Variants in CACNG2 observed in about 807,000 individuals in gnomAD.
The protein encoded by CACNG2 is voltage-dependent calcium channel gamma-2 subunit.
CACNG2 carries 3 observed loss-of-function variants against 25.9 expected under a neutral mutation model. That is an observed-to-expected ratio of 0.12 (90% confidence interval 0.05 to 0.30). The LOEUF is 0.30. Ranked by LOEUF, CACNG2 falls within the 10% of genes least tolerant of loss-of-function variation. CACNG2 has a pLI of 1.00. For missense variants in CACNG2, 341 were observed against 432.5 expected, an observed-to-expected ratio of 0.79 and a Z score of 1.88; for synonymous variants, 167 against 173.3, an observed-to-expected ratio of 0.96 and a Z score of 0.29.
intron 1 of CACNG2, among the ~76,000 whole-genome samples, chr22:36,621,259 G>A (rs1198820554): frequency 6.6e-6 from 1 of 152,196 alleles, no homozygotes; most frequent in African/African-American, 2.4e-5. Context: ...TGTAATCCCA[G>A]CACTTTGGGA....
intron 2 of CACNG2, chr22:36,584,638 T>G (rs944511015): frequency 2.0e-5 from 3 of 152,228 alleles, no homozygotes; most frequent in Non-Finnish European, 4.4e-5. Flanking sequence ...CTCGAGTGAA[T>G]GAATGAATGA....
At position 36,620,334 on chromosome 22, in the gene CACNG2, T is replaced by C. The variant is rs564850267; in HGVS notation, c.212-32786A>G. Among the ~76,000 whole-genome samples, 6 of 152,336 alleles carry C rather than the reference T, an allele frequency of 3.9e-5. No homozygotes were observed. The East Asian group carries it at 5.8e-4, about 15-fold the overall frequency. On this transcript the variant is annotated intron_variant, in intron 1 of 3. Transcript: ENST00000300105. ...AGGCAGATGGTCCTCTGGGATGCAA[T>C]TGAACGACTTTCCACTAAGTGATAG...
At chr22:36,566,607 T>C (rs1405226237) in intron 2 of CACNG2, 114 bp from the exon 3 acceptor site, 1 of 1,136,530 alleles carries the variant, frequency 8.8e-7, no homozygotes, top group African/African-American at 1.5e-5. Flanking sequence ...GACACAGCCT[T>C]AGAGGAGAGG....
intron 1 of CACNG2, among the ~76,000 whole-genome samples, chr22:36,611,571 A>G (rs773125764): frequency 1.3e-5 from 2 of 152,150 alleles, no homozygotes; most frequent in African/African-American, 2.4e-5. Context: ...AGCTACATCA[A>G]TAGTCAAATA....
At chr22:36,618,282 G>A (rs1263442277) in intron 1 of CACNG2, among the ~76,000 whole-genome samples, 1 of 152,230 alleles carries the variant, frequency 6.6e-6, no homozygotes, top group Admixed American at 6.5e-5. Context: ...GCAGCCAAGT[G>A]TGCCTGCAGG....
chr22:36,590,590 A>T (rs1935575778), intron 1 of CACNG2, among the ~76,000 whole-genome samples: 1 of 152,104 alleles, frequency 6.6e-6, no homozygotes, highest in Non-Finnish European at 1.5e-5. Flanking sequence ...AGCACCGCCC[A>T]CTACCAGGCC....
chr22:36,693,772 C>G (rs1937296411), intron 1 of CACNG2, among the ~76,000 whole-genome samples: 1 of 152,194 alleles, frequency 6.6e-6, no homozygotes. Context: ...CTTTCCTTAG[C>G]TTGCTCACCC....
chr22:36,595,161 G>A (rs1048760072), intron 1 of CACNG2, among the ~76,000 whole-genome samples: 13 of 148,440 alleles, frequency 8.8e-5, no homozygotes, highest in Admixed American at 2.0e-4. Flanking sequence ...GCGTGATGAG[G>A]AAGTGGTGGA....
intron 1 of CACNG2, among the ~76,000 whole-genome samples, chr22:36,648,545 T>C (rs1936562708): frequency 6.6e-6 from 1 of 152,212 alleles, no homozygotes; most frequent in South Asian, 2.1e-4. Context: ...ACTGGGAACA[T>C]GTGAGGTTCT....
chr22:36,690,226 C>T (rs1037657538), intron 1 of CACNG2, among the ~76,000 whole-genome samples: 5 of 152,202 alleles, frequency 3.3e-5, no homozygotes, highest in African/African-American at 4.8e-5. Context: ...ATGTAAGCCA[C>T]GTAAGACACT....
At position 36,678,015 on chromosome 22, in the gene CACNG2, T is replaced by G. The variant is rs117689063; in HGVS notation, c.211+24351A>C. Among the ~76,000 whole-genome samples the G allele has an allele frequency of 1.2e-3, 177 of 152,342 alleles. 2 individuals are homozygous for G. In the East Asian group the frequency reaches 0.024, roughly 20 times the overall value. On this transcript the variant is annotated intron_variant, in intron 1 of 3. Transcript: ENST00000300105. ...ATGAACTTATTACTCAGCTTTTATT[T>G]ACAAAATGTATTTTGAGGCTTCAAG...
intron 1 of CACNG2, among the ~76,000 whole-genome samples, chr22:36,594,699 G>C (rs1935646343): frequency 6.8e-6 from 1 of 146,144 alleles, no homozygotes; most frequent in Admixed American, 6.8e-5. Flanking sequence ...GTCTGTGTGT[G>C]TGTCTGTGTG....
intron 1 of CACNG2, among the ~76,000 whole-genome samples, chr22:36,679,519 G>A (rs574541903): frequency 6.6e-5 from 10 of 152,296 alleles, no homozygotes; most frequent in African/African-American, 2.4e-4. Context: ...ATTACAATCA[G>A]TTATGCATAT....
chr22:36,610,610 G>T (rs1481498525), intron 1 of CACNG2, among the ~76,000 whole-genome samples: 1 of 152,202 alleles, frequency 6.6e-6, no homozygotes, highest in Non-Finnish European at 1.5e-5. Context: ...TGAGGGGCAG[G>T]GGAGGACAGA....
At chr22:36,615,447 G>A (rs1487840473) in intron 1 of CACNG2, among the ~76,000 whole-genome samples, 1 of 152,144 alleles carries the variant, frequency 6.6e-6, no homozygotes, top group African/African-American at 2.4e-5. Flanking sequence ...CATACAACAA[G>A]CAGACTTCCC....
rs1569027043 is a variant in CACNG2, at chr22:36,606,119, T to C, written c.212-18571A>G. Among the ~76,000 whole-genome samples the C allele has an allele frequency of 6.6e-6, 1 of 152,240 alleles. No individual in the cohort carries two copies. The highest frequency in any genetic ancestry group is 2.4e-5 in the African/African-American group (1 of 41,464). ...GTACTTCAGCTCGTCCTTGAATTTT[T>C]ATCAAGTGGTTACTAGGTGTTGGTG... is the stretch of plus-strand genomic sequence containing the variant. On this transcript the variant is annotated intron_variant, in intron 1 of 3. Coordinates refer to ENST00000300105, the MANE Select transcript of CACNG2 (RefSeq NM_006078.5). This position sits in a 1 kb window ranked among gnomAD's most constrained non-coding sequence, Gnocchi z 5.7.
chr22:36,693,771 G>A (rs770614034), intron 1 of CACNG2, among the ~76,000 whole-genome samples: 1 of 152,056 alleles, frequency 6.6e-6, no homozygotes, highest in Non-Finnish European at 1.5e-5. Flanking sequence ...TCTTTCCTTA[G>A]CTTGCTCACC....
At chr22:36,579,689 C>T (rs565507809) in intron 2 of CACNG2, among the ~76,000 whole-genome samples, 1 of 152,306 alleles carries the variant, frequency 6.6e-6, no homozygotes, top group South Asian at 2.1e-4. Context: ...CCCCTTCTGC[C>T]ACCTGCCTTC....
In CACNG2 at chr22:36,702,887, C is replaced by A. The variant is rs1937429786; in HGVS notation, c.-311G>T. On this transcript the variant is annotated 5_prime_UTR_variant, in exon 1 of 4. Transcript: ENST00000300105. ...AAAAAATAAAAAGACACCCCCCACC[C>A]CCCCAAGTGAGATGCCTTAATCTCT... The A allele has an allele frequency of 7.8e-6, 2 of 258,060 alleles. No individual in the cohort carries two copies. The highest frequency in any genetic ancestry group is 1.5e-5 in the Non-Finnish European group (2 of 137,340). The allele number at this position is 258,060 out of a possible 1,614,324, so 16.0% of individuals were successfully genotyped here. A position where few individuals can be genotyped will look rare whatever the true frequency, so the allele number is the denominator to read the frequency against.
Sources: allele counts gnomAD v4.1 joint callset (sites outside exome capture counted in the v4.1 genomes callset), GRCh38; gene constraint gnomAD v4.1.1; non-coding constraint Gnocchi (gnomAD v3.1); transcripts MANE v1.5; gene names NCBI Gene and HGNC (gene_info 2026-07-23, HGNC 2026-07-21).